RAB3C: variants seen among roughly 807,000 people sequenced by gnomAD.
RAB3C encodes RAB3C, member RAS oncogene family, also known as ras-related protein Rab-3C.
In RAB3C, 17 loss-of-function variants were observed where a neutral mutation model predicts 26.4. That is an observed-to-expected ratio of 0.64 (90% CI 0.44 to 0.97). The LOEUF (loss-of-function observed/expected upper bound fraction) is 0.97, where lower values mean the gene tolerates loss of function less well. RAB3C is among the 50% of genes least tolerant of loss of function. RAB3C has a pLI of 0.00. For missense variants in RAB3C, 242 were observed against 281.9 expected (o/e 0.86, Z 1.01); for synonymous variants, 91 against 95.9 (o/e 0.95, Z 0.30).
At chr5:58,830,554 A>G (rs538849537) in intron 4 of RAB3C, among the ~76,000 whole-genome samples, 1 of 152,308 alleles carries the variant, frequency 6.6e-6, no homozygotes, top group South Asian at 2.1e-4. Context: ...CTTGATTTCT[A>G]CTGAGCCTGA....
chr5:58,735,558 G>A (rs1384109858), intron 3 of RAB3C, among the ~76,000 whole-genome samples: 2 of 152,166 alleles, frequency 1.3e-5, no homozygotes, highest in African/African-American at 4.8e-5. Context: ...AGTTCTGAAG[G>A]CTAGAAGTCC....
chr5:58,847,852 A>C (rs1744036815), intron 4 of RAB3C, among the ~76,000 whole-genome samples: 1 of 114,308 alleles, frequency 8.7e-6, no homozygotes, highest in African/African-American at 3.6e-5. Context: ...AATTTCCAGA[A>C]CCTTTATTTA....
At chr5:58,733,292 C>T (rs777869596) in intron 3 of RAB3C, among the ~76,000 whole-genome samples, 3 of 152,038 alleles carry the variant, frequency 2.0e-5, no homozygotes, top group South Asian at 2.1e-4. Flanking sequence ...ACATAGAAAA[C>T]GCAGACCTAG....
intron 2 of RAB3C, among the ~76,000 whole-genome samples, chr5:58,654,170 GT>G (rs1365806200): frequency 6.6e-6 from 1 of 152,108 alleles, no homozygotes; most frequent in Non-Finnish European, 1.5e-5. Flanking sequence ...CAATCTAAGG[GT>G]TTCTAAAGCA....
At chr5:58,693,336 G>GTATGTATATATATATA (rs1341115094) in intron 2 of RAB3C, among the ~76,000 whole-genome samples, 25 of 111,742 alleles carry the variant, frequency 2.2e-4, no homozygotes, top group South Asian at 8.1e-4. Context: ...ATATATATGT[G>GTATGTATATATATATA]TATATATATA....
At chr5:58,832,275 T>C (rs186794231) in intron 4 of RAB3C, among the ~76,000 whole-genome samples, 1 of 152,298 alleles carries the variant, frequency 6.6e-6, no homozygotes, top group East Asian at 1.9e-4. Context: ...TTAGGACCAA[T>C]GTAAATTTAG....
chr5:58,763,669 G>A (rs1436472400), intron 3 of RAB3C, among the ~76,000 whole-genome samples: 1 of 152,198 alleles, frequency 6.6e-6, no homozygotes, highest in East Asian at 1.9e-4. Flanking sequence ...CAGAAAAGAA[G>A]CAGTTCCCCC....
chr5:58,759,567 C>T (rs1377637254), intron 3 of RAB3C, among the ~76,000 whole-genome samples: 3 of 152,320 alleles, frequency 2.0e-5, no homozygotes, highest in East Asian at 1.9e-4. Context: ...TTCTTTATAA[C>T]ATGTAATGTA....
intron 2 of RAB3C, among the ~76,000 whole-genome samples, chr5:58,708,188 C>T (rs918343962): frequency 2.0e-5 from 3 of 151,944 alleles, no homozygotes; most frequent in African/African-American, 4.8e-5. Context: ...AAAGGTCTTG[C>T]GATGTTGCCC....
rs1740885056 is a variant in RAB3C, at chr5:58,726,172, C to T, written c.371+52C>T. ...CTGATAATGATGGTTCTCCGGTCAA[C>T]TCTGTCTTTCTTCCCAAAGCAGTGA... On this transcript the variant is annotated intron_variant, in intron 3 of 4. Transcript: ENST00000282878. The T allele has an allele frequency of 3.3e-6, 3 of 915,984 alleles. No homozygotes were observed. In the African/African-American group the frequency reaches 5.1e-5, roughly 15 times the overall value. 56.7% of individuals were successfully genotyped at this position (915,984 alleles called of 1,614,324 possible).
At chr5:58,740,141 C>A (rs528131212) in intron 3 of RAB3C, among the ~76,000 whole-genome samples, 1 of 152,298 alleles carries the variant, frequency 6.6e-6, no homozygotes, top group Admixed American at 6.5e-5. Flanking sequence ...AGGAGCCAGG[C>A]CAGGCAGGGG....
intron 3 of RAB3C, among the ~76,000 whole-genome samples, chr5:58,728,206 C>T (rs1367665334): frequency 1.3e-5 from 2 of 151,996 alleles, no homozygotes; most frequent in Non-Finnish European, 1.5e-5. Flanking sequence ...ACTTATTGAG[C>T]ACCTAACTTT....
chr5:58,842,376 T>C (rs894592553), intron 4 of RAB3C, among the ~76,000 whole-genome samples: 5 of 152,190 alleles, frequency 3.3e-5, no homozygotes, highest in African/African-American at 1.2e-4. Flanking sequence ...AATAACTTTA[T>C]TCTCAGTGGA....
In RAB3C at chr5:58,851,585, CTTG is replaced by C. The variant is rs1252219911; in HGVS notation, c.*237_*239del. ...ATAAACATCTGGTACCTGCATGTGA[CTTG>C]TTATTTATTTGTCTGCTAGGCTCTT... On this transcript the variant is annotated 3_prime_UTR_variant, in exon 5 of 5. Coordinates refer to ENST00000282878, the MANE Select transcript of RAB3C (RefSeq NM_138453.4). 26 of 386,116 alleles carry C rather than the reference CTTG, an allele frequency of 6.7e-5. No individual in the cohort carries two copies. Among genetic ancestry groups the C allele is most frequent in the Admixed American group, 8.6e-5 (2 of 23,368 alleles). 23.9% of individuals were successfully genotyped at this position (386,116 alleles called of 1,614,324 possible).
intron 2 of RAB3C, among the ~76,000 whole-genome samples, chr5:58,686,679 T>TAC (rs1016350259): frequency 1.6e-4 from 24 of 146,142 alleles, no homozygotes; most frequent in Non-Finnish European, 2.9e-4. Flanking sequence ...CACACACACA[T>TAC]ACACACACAC....
intron 3 of RAB3C, among the ~76,000 whole-genome samples, chr5:58,809,814 C>G (rs773889005): frequency 3.9e-5 from 6 of 152,166 alleles, no homozygotes; most frequent in African/African-American, 4.8e-5. Context: ...AATTCCCAGA[C>G]TCCAAACTGA....
At chr5:58,673,412 G>T (rs1748161453) in intron 2 of RAB3C, among the ~76,000 whole-genome samples, 1 of 151,554 alleles carries the variant, frequency 6.6e-6, no homozygotes. Flanking sequence ...GGAAAGTGGG[G>T]AGCGGTTTCT....
At chr5:58,801,222 T>C (rs898761124) in intron 3 of RAB3C, among the ~76,000 whole-genome samples, 42 of 152,174 alleles carry the variant, frequency 2.8e-4, no homozygotes, top group African/African-American at 9.7e-4. Flanking sequence ...GCAGAAAGGC[T>C]AGGACCAGAA....
rs202024899 is a variant in RAB3C, at chr5:58,693,022, G to A, written c.253-32980G>A. ...CTCAGGAGGCTGAGGCAGGAGAATC[G>A]CTTGAACCCAGGAGGCAGAGGTTGC... On this transcript the variant is annotated intron_variant, in intron 2 of 4. Transcript: ENST00000282878. 3.0e-4 allele frequency among the ~76,000 whole-genome samples: 45 copies of A among 151,748 alleles called. 1 individual carries two copies. The South Asian group carries it at 8.1e-3, about 27-fold the overall frequency.
Sources: allele counts gnomAD v4.1 joint callset (sites outside exome capture counted in the v4.1 genomes callset), GRCh38; gene constraint gnomAD v4.1.1; transcripts MANE v1.5; gene names NCBI Gene and HGNC (gene_info 2026-07-23, HGNC 2026-07-21).